The following SMAP1 variants were observed in gnomAD, a reference collection of about 807,000 sequenced individuals.
SMAP1 encodes stromal membrane-associated protein 1.
In SMAP1, 24 loss-of-function variants were observed where a neutral mutation model predicts 58.5. That is an observed-to-expected ratio of 0.41 (90% CI 0.30 to 0.58). The LOEUF is 0.58. Ranked by LOEUF, SMAP1 falls within the 20% of genes least tolerant of loss-of-function variation. The probability of loss-of-function intolerance (pLI) is 0.29; values close to 1 mark genes in which losing one functional copy is unlikely to be tolerated. For missense variants in SMAP1, 563 were observed against 566.3 expected, an observed-to-expected ratio of 0.99 and a Z score of 0.06; for synonymous variants, 216 against 196.6, an observed-to-expected ratio of 1.10 and a Z score of -0.82.
intron 1 of SMAP1, among the ~76,000 whole-genome samples, chr6:70,695,255 C>T (rs1356279917): frequency 6.6e-6 from 1 of 152,088 alleles, no homozygotes; most frequent in East Asian, 1.9e-4. Context: ...TTTTCCTTTC[C>T]AAATTGGATG....
intron 1 of SMAP1, chr6:70,668,681 T>G (rs1436132060): frequency 3.1e-5 from 48 of 1,535,974 alleles, no homozygotes; most frequent in Non-Finnish European, 4.0e-5. Context: ...GGCTTTTATC[T>G]CTGCTTCCTG....
chr6:70,798,395 C>T (rs563525281), intron 5 of SMAP1, among the ~76,000 whole-genome samples: 27 of 151,686 alleles, frequency 1.8e-4, no homozygotes, highest in Non-Finnish European at 3.4e-4. Flanking sequence ...ATGAAACAAA[C>T]CCTACTATAT....
intron 1 of SMAP1, among the ~76,000 whole-genome samples, chr6:70,716,855 G>A (rs10945242): frequency 0.18 from 27,851 of 151,758 alleles, 2,790 homozygotes; most frequent in African/African-American, 0.27. Flanking sequence ...TTTCCTTAGG[G>A]TCAGTTTCTG....
chr6:70,859,573 G>T, intron 10 of SMAP1: 1 of 463,890 alleles, frequency 2.2e-6, no homozygotes, highest in Non-Finnish European at 3.7e-6. Context: ...TCACTATATG[G>T]TAAATCTTGC....
At chr6:70,784,644 G>A (rs950531838) in intron 4 of SMAP1, among the ~76,000 whole-genome samples, 3 of 152,082 alleles carry the variant, frequency 2.0e-5, no homozygotes, top group African/African-American at 4.8e-5. Context: ...AAAGGCAGGG[G>A]TTGCAATCCC....
intron 4 of SMAP1, among the ~76,000 whole-genome samples, chr6:70,783,504 G>A (rs900950519): frequency 5.9e-5 from 9 of 152,124 alleles, no homozygotes; most frequent in African/African-American, 1.9e-4. Flanking sequence ...AAACTACTCC[G>A]AGCTACGGGA....
chr6:70,683,610 C>A (rs934238365), intron 1 of SMAP1, among the ~76,000 whole-genome samples: 34 of 152,166 alleles, frequency 2.2e-4, no homozygotes, highest in Non-Finnish European at 4.7e-4. Flanking sequence ...TTCCAGACAG[C>A]ATTCATTCTT....
At chr6:70,701,832 A>T (rs540156764) in intron 1 of SMAP1, among the ~76,000 whole-genome samples, 14 of 152,294 alleles carry the variant, frequency 9.2e-5, no homozygotes, top group African/African-American at 3.1e-4. Context: ...TTTGGTTCTT[A>T]TGAAGGTGAT....
chr6:70,755,619 G>A (rs1230820717), intron 3 of SMAP1, among the ~76,000 whole-genome samples: 1 of 151,958 alleles, frequency 6.6e-6, no homozygotes, highest in Non-Finnish European at 1.5e-5. Context: ...TTCAACTTAG[G>A]ATGGGTTTAC....
chr6:70,741,613 C>G (rs904385185), intron 2 of SMAP1, among the ~76,000 whole-genome samples: 1 of 152,164 alleles, frequency 6.6e-6, no homozygotes, highest in Non-Finnish European at 1.5e-5. Flanking sequence ...ATGGTGCAAG[C>G]TGTTGCTGGA....
Position 70,668,043 on chromosome 6 carries a change from G to A in SMAP1, c.20G>A (p.Arg7Gln). The A allele has an allele frequency of 6.2e-7, 1 of 1,601,666 alleles. No individual in the cohort carries two copies. The highest frequency in any genetic ancestry group is 8.5e-7 in the Non-Finnish European group (1 of 1,175,048). MATRSC[R>Q]EKAQKLNEQH... ...GCCGAGATGGCGACGCGCTCCTGTCGGGAGAAGGCTCAGAAGCTGAACGAG... is the reference window on the plus strand; with the variant it reads ...GCCGAGATGGCGACGCGCTCCTGTCAGGAGAAGGCTCAGAAGCTGAACGAG... Residue 7 changes from arginine to glutamine, a missense_variant, in exon 1 of 11, where the codon CGG becomes CAG. By Grantham distance (43) the Arg-to-Gln change is conservative (BLOSUM62 1). This residue lies in a region of SMAP1 where 52 missense variants were observed against 46.6 expected (regional missense o/e 1.11). Coordinates refer to ENST00000370455, the MANE Select transcript of SMAP1 (RefSeq NM_001044305.3).
chr6:70,788,258 C>A (rs570398671), intron 4 of SMAP1, among the ~76,000 whole-genome samples: 162 of 131,184 alleles, frequency 1.2e-3, no homozygotes, highest in African/African-American at 4.5e-3. Context: ...GATGAGAACA[C>A]ATGGACACAG....
chr6:70,812,337 A>G (rs1277710872), intron 6 of SMAP1, among the ~76,000 whole-genome samples: 1 of 152,220 alleles, frequency 6.6e-6, no homozygotes, highest in Non-Finnish European at 1.5e-5. Flanking sequence ...TTATCTTTCA[A>G]AATCACACAT....
rs561162355 is a variant in SMAP1 at position 70,847,433 on chromosome 6, A to G, written c.665-5107A>G. Among the ~76,000 whole-genome samples, 3 of 152,304 alleles carry G rather than the reference A, an allele frequency of 2.0e-5. No individual in the cohort carries two copies. In the South Asian group the frequency reaches 6.2e-4, roughly 32 times the overall value. On this transcript the variant is annotated intron_variant, in intron 7 of 10. Transcript: ENST00000370455. ...TGTGGGTAGTTAAAAACATTCATCT[A>G]TCAATTCAGTTCCCAAATAAGACAC...
chr6:70,843,395 T>C (rs1322686079), intron 7 of SMAP1, among the ~76,000 whole-genome samples: 2 of 152,194 alleles, frequency 1.3e-5, no homozygotes, highest in Non-Finnish European at 2.9e-5. Flanking sequence ...GGGGCTGTCT[T>C]GTGTGCTGAC....
chr6:70,738,435 T>G (rs531609370), intron 2 of SMAP1, among the ~76,000 whole-genome samples: 2 of 147,338 alleles, frequency 1.4e-5, no homozygotes, highest in Admixed American at 1.4e-4. Flanking sequence ...TGAACACACT[T>G]GCTGTTTATA....
intron 1 of SMAP1, among the ~76,000 whole-genome samples, chr6:70,696,058 G>A (rs1767389035): frequency 6.6e-6 from 1 of 151,990 alleles, no homozygotes; most frequent in African/African-American, 2.4e-5. Flanking sequence ...CCAATTTATT[G>A]GCATATAGTT....
chr6:70,799,661 A>G (rs1479763485), intron 6 of SMAP1, among the ~76,000 whole-genome samples: 4 of 152,222 alleles, frequency 2.6e-5, no homozygotes, highest in Non-Finnish European at 5.9e-5. Context: ...AGTACTGTAT[A>G]TAAGAAAGAA....
chr6:70,716,049 T>C (rs763235459), intron 1 of SMAP1, among the ~76,000 whole-genome samples: 4 of 152,252 alleles, frequency 2.6e-5, no homozygotes, highest in Non-Finnish European at 5.9e-5. Context: ...TCCAGGTTGC[T>C]GAGAATGCCA....
Sources: gnomAD v4.1 joint callset for allele counts (sites outside exome capture counted in the v4.1 genomes callset) on GRCh38, gnomAD v4.1.1 for gene constraint, gnomAD v4.1.1 regional missense constraint, MANE v1.5 for transcripts, NCBI Gene and HGNC (gene_info 2026-07-23, HGNC 2026-07-21) for gene names.